Variants in CEP295 observed in about 807,000 individuals in gnomAD.
CEP295 encodes the protein centrosomal protein 295.
In CEP295, 190 loss-of-function variants were observed where a neutral mutation model predicts 291.6. The ratio of observed to expected loss-of-function variants is 0.65; its 90% confidence interval spans 0.58 to 0.73. The LOEUF (loss-of-function observed/expected upper bound fraction) is 0.73. CEP295 is among the 30% of genes least tolerant of loss of function. The probability of loss-of-function intolerance (pLI) is 0.00; values close to 1 mark genes in which losing one functional copy is unlikely to be tolerated. For missense variants in CEP295, 2,863 were observed against 2,949.4 expected (o/e 0.97, Z 0.68); for synonymous variants, 993 against 1,038.8 (o/e 0.96, Z 0.85).
Position 93,679,507 on chromosome 11 carries a change from A to C in CEP295, c.720A>C (p.Ala240=). 1.3e-6 allele frequency: 2 copies of C among 1,551,540 alleles called. No individual in the cohort carries two copies. ...AQERMERFEK[A]HVRGFQAMKK... ...AGAGAATGGAACGGTTTGAAAAGGC[A>C]CATGTACGGGGATTCCAAGCAATGA... Residue 240 remains alanine (A), a synonymous_variant, in exon 7 of 30, where the codon GCA becomes GCC. Transcript: ENST00000325212.
intron 5 of CEP295, among the ~76,000 whole-genome samples, chr11:93,671,586 T>C (rs1950451872): frequency 6.6e-6 from 1 of 152,180 alleles, no homozygotes; most frequent in African/African-American, 2.4e-5. Flanking sequence ...ATCTGGGTGA[T>C]TATATTCTTG....
At chr11:93,725,942 CT>C in intron 23 of CEP295, 111 bp downstream of exon 23, 1 of 768,676 alleles carries the variant, frequency 1.3e-6, no homozygotes, top group Non-Finnish European at 2.1e-6. Flanking sequence ...GCTCTCACCC[CT>C]ATCCTGGGTG....
intron 18 of CEP295, among the ~76,000 whole-genome samples, chr11:93,708,290 C>G (rs1161041478): frequency 6.6e-6 from 1 of 152,150 alleles, no homozygotes; most frequent in Non-Finnish European, 1.5e-5. Context: ...CCCCACTCCC[C>G]CAACGACCCC....
chr11:93,719,250 T>C (rs1953510876), intron 18 of CEP295, among the ~76,000 whole-genome samples: 1 of 151,380 alleles, frequency 6.6e-6, no homozygotes, highest in South Asian at 2.1e-4. Context: ...TTCCGGGTTT[T>C]TTTTTTTTTT....
Position 93,698,505 on chromosome 11 carries a change from C to T in CEP295, c.3593C>T (p.Ser1198Phe). 1 of 1,552,018 alleles carries T rather than the reference C, an allele frequency of 6.4e-7. No homozygotes were observed. The highest frequency in any genetic ancestry group is 1.2e-5 in the South Asian group (1 of 84,060). The change falls in exon 15 of 30, where the codon TCT becomes TTT. Residue 1198 changes from serine (S) to phenylalanine (F), a missense_variant. By Grantham distance (155) the Ser-to-Phe change is radical. Around this residue, in one of 3 missense-constraint regions of CEP295, gnomAD observed 2,295 missense variants for 2,335.7 expected, o/e 0.98. Coordinates refer to ENST00000325212, the MANE Select transcript of CEP295 (RefSeq NM_033395.2). The stretch of plus-strand genomic sequence containing the variant: ...GAAAGTGAATTGGAGAAAAGAATTT[C>T]TTCTGAACAGACTGGCACCTCCTCA... ...HTESELEKRI[S>F]SEQTGTSSSL...
At chr11:93,716,123 G>A (rs531255478) in intron 18 of CEP295, among the ~76,000 whole-genome samples, 9 of 152,248 alleles carry the variant, frequency 5.9e-5, no homozygotes, top group South Asian at 2.1e-4. Context: ...GGACTCCAGA[G>A]CACTAAATTT....
intron 15 of CEP295, among the ~76,000 whole-genome samples, chr11:93,701,935 G>C (rs1331271265): frequency 1.3e-5 from 2 of 151,862 alleles, no homozygotes; most frequent in African/African-American, 4.8e-5. Context: ...GGCTGTGAAT[G>C]GTTGTTGTTT....
At position 93,706,854 on chromosome 11, in the gene CEP295, G is replaced by T; in HGVS notation, c.5706G>T (p.Leu1902=). 1 of 1,547,762 alleles carries T rather than the reference G, an allele frequency of 6.5e-7. No homozygotes were observed. The highest frequency in any genetic ancestry group is 8.7e-7 in the Non-Finnish European group (1 of 1,145,006). The change falls in exon 18 of 30, where the codon CTG becomes CTT. Residue 1902 remains leucine (L), a synonymous_variant. Transcript: ENST00000325212. The part of the protein sequence containing the change: ...LAHDPFSCLQ[L]VGQENVCGDD... ...ATGATCCGTTTAGTTGTCTTCAACTGGTTGGCCAAGAGAATGTCTGTGGTG... is the reference window on the plus strand; with the variant it reads ...ATGATCCGTTTAGTTGTCTTCAACTTGTTGGCCAAGAGAATGTCTGTGGTG...
At chr11:93,692,302 T>TA (rs1437637199) in intron 12 of CEP295, among the ~76,000 whole-genome samples, 3 of 152,200 alleles carry the variant, frequency 2.0e-5, no homozygotes, top group African/African-American at 4.8e-5. Flanking sequence ...CTATCTTCTT[T>TA]AAAAAATTCA....
chr11:93,666,293 C>T (rs917509998), intron 1 of CEP295, among the ~76,000 whole-genome samples: 2 of 152,220 alleles, frequency 1.3e-5, no homozygotes, highest in East Asian at 1.9e-4. Flanking sequence ...AGTATTAACA[C>T]GAATTTTAAA....
In CEP295 at chr11:93,729,435, TGA is replaced by T. The variant is rs1399474697; in HGVS notation, c.7306_7307del (p.Ser2436Ter). The stretch of plus-strand genomic sequence containing the variant: ...AACATGCAACTTTCTTGCCATTAGG[TGA>T]GTGAGTTTCTGCCTCTTGTATCAGC... On this transcript the variant is annotated frameshift_variant and splice_region_variant, in exon 26 of 30. Coordinates refer to ENST00000325212, the MANE Select transcript of CEP295 (RefSeq NM_033395.2). LOFTEE classifies it high-confidence loss of function. The T allele has an allele frequency of 1.4e-5, 21 of 1,546,082 alleles. No individual in the cohort carries two copies. The highest frequency in any genetic ancestry group is 3.9e-5 in the Admixed American group (2 of 50,970).
chr11:93,692,114 A>G lies in CEP295; in HGVS notation c.1533+84A>G, dbSNP rs1951587361. 4.2e-6 allele frequency: 3 copies of G among 714,390 alleles called. No individual in the cohort carries two copies. In the Admixed American group the frequency reaches 8.8e-5, roughly 21 times the overall value. 44.3% of individuals were successfully genotyped at this position (714,390 alleles called of 1,614,324 possible). A position where few individuals can be genotyped will look rare whatever the true frequency, so the allele number is the denominator to read the frequency against. On this transcript the variant is annotated intron_variant, in intron 12 of 29. Coordinates refer to ENST00000325212, the MANE Select transcript of CEP295 (RefSeq NM_033395.2). ...TTGTTTGGCCAATGAAATTTGTCTT[A>G]ATGTCTGGCTAATTTTGATATCATG...
chr11:93,691,825 T>A, intron 11 of CEP295, 50 bp downstream of exon 11: 1 of 1,335,080 alleles, frequency 7.5e-7, no homozygotes. Flanking sequence ...CTTGCATCTT[T>A]TTTTTAAATA....
intron 23 of CEP295, among the ~76,000 whole-genome samples, 195 bp downstream of exon 23, chr11:93,726,026 GAA>G (rs1954106166): frequency 6.6e-6 from 1 of 151,952 alleles, no homozygotes; most frequent in African/African-American, 2.4e-5. Context: ...GAAATAAAAG[GAA>G]AAGTGTTGCC....
In CEP295 at chr11:93,727,622, C is replaced by G. The variant is rs867102884; in HGVS notation, c.7146C>G (p.Ser2382Arg). 4 of 1,541,920 alleles carry G rather than the reference C, an allele frequency of 2.6e-6. No homozygotes were observed. Among genetic ancestry groups the G allele is most frequent in the Middle Eastern group, 1.7e-4 (1 of 5,932 alleles). ...GTTCTGGATCATTTTCATTACAGAG[C>G]TCTATACCAGTCTGGGTAAGTGAAA... ...FASSGSFSLQ[S>R]SIPVWETETG... Residue 2382 changes from serine (S) to arginine (R), a missense_variant, in exon 24 of 30, where the codon AGC becomes AGG. Ser to Arg is a moderately radical substitution (Grantham distance 110). Around this residue, in one of 3 missense-constraint regions of CEP295, gnomAD observed 2,295 missense variants for 2,335.7 expected, o/e 0.98. Coordinates refer to ENST00000325212, the MANE Select transcript of CEP295 (RefSeq NM_033395.2).
At chr11:93,676,277 G>A (rs1159248900) in intron 6 of CEP295, among the ~76,000 whole-genome samples, 4 of 151,924 alleles carry the variant, frequency 2.6e-5, no homozygotes, top group Non-Finnish European at 5.9e-5. Flanking sequence ...CTTTTTAAAA[G>A]CATCAGCAAC....
chr11:93,729,537 C>T lies in CEP295; in HGVS notation c.7399+7C>T. On this transcript the variant is annotated splice_region_variant and intron_variant, in intron 26 of 29. Transcript: ENST00000325212. ...CCAAGGACAGCATCTACAGGTAAGC[C>T]TTGGACGGCCTCCACACTTCTAATG... 1 of 1,550,552 alleles carries T rather than the reference C, an allele frequency of 6.4e-7. No individual in the cohort carries two copies. Among genetic ancestry groups the T allele is most frequent in the Non-Finnish European group, 8.7e-7 (1 of 1,145,874 alleles).
At position 93,687,652 on chromosome 11, in the gene CEP295, G is replaced by T. The variant is rs1301312696; in HGVS notation, c.1123G>T (p.Val375Leu). Reference protein sequence around the residue: ...ICSSETDVPLVMKTQQIPSKV... With the variant: ...ICSSETDVPLLMKTQQIPSKV... The stretch of plus-strand genomic sequence containing the variant: ...CTTTTTCTTTCTTTTAGTTCCCTTG[G>T]TAATGAAGACCCAACAGATTCCTTC... The change falls in exon 10 of 30, where the codon GTA becomes TTA. Residue 375 changes from valine (V) to leucine (L), a missense_variant. Transcript: ENST00000325212. 2.0e-6 allele frequency: 3 copies of T among 1,502,854 alleles called. No individual in the cohort carries two copies. Among genetic ancestry groups the T allele is most frequent in the Non-Finnish European group, 2.7e-6 (3 of 1,112,832 alleles). 93.1% of individuals were successfully genotyped at this position (1,502,854 alleles called of 1,614,324 possible).
chr11:93,682,306 C>G (rs1456428943), intron 7 of CEP295, among the ~76,000 whole-genome samples: 1 of 152,144 alleles, frequency 6.6e-6, no homozygotes, highest in African/African-American at 2.4e-5. Flanking sequence ...TCACTGCAAC[C>G]TCTGCCTCCT....
Sources: gnomAD v4.1 joint callset for allele counts (sites outside exome capture counted in the v4.1 genomes callset) on GRCh38, gnomAD v4.1.1 for gene constraint, gnomAD v4.1.1 regional missense constraint, MANE v1.5 for transcripts, NCBI Gene and HGNC (gene_info 2026-07-23, HGNC 2026-07-21) for gene names.